Variants in TMEM163 observed in about 807,000 individuals in gnomAD.
TMEM163 encodes the protein transmembrane protein 163.
In TMEM163, 17 loss-of-function variants were observed where a neutral mutation model predicts 29.3. The ratio of observed to expected loss-of-function variants is 0.58; its 90% CI spans 0.40 to 0.87. The LOEUF (loss-of-function observed/expected upper bound fraction) is 0.87. TMEM163 is among the 40% of genes least tolerant of loss of function. The probability of loss-of-function intolerance (pLI) is 0.00; values close to 1 mark genes in which losing one functional copy is unlikely to be tolerated. For synonymous variants in TMEM163, 157 were observed against 160.6 expected (o/e 0.98, Z 0.17); for missense variants, 303 against 381.5 (o/e 0.79, Z 1.71).
chr2:134,518,028 T>TGC (rs1680113301), intron 4 of TMEM163, among the ~76,000 whole-genome samples: 1 of 152,178 alleles, frequency 6.6e-6, no homozygotes, highest in Non-Finnish European at 1.5e-5. Flanking sequence ...ACTCTACTAT[T>TGC]TTGAAAGGCT....
In TMEM163 at chr2:134,458,139, G is replaced by A. The variant is rs1686443932; in HGVS notation, c.702C>T (p.Phe234=). The part of the protein sequence containing the change: ...FNSLVGGVMG[F]SILLSAEVFK... The stretch of plus-strand genomic sequence containing the variant: ...ACACTTCCGCGCTCAGAAGAATGGA[G>A]AAGCCCATCACGCCACCCACGAGGG... The change falls in exon 7 of 8, where the codon TTC becomes TTT. Residue 234 remains phenylalanine (F), a synonymous_variant. Transcript: ENST00000281924. The A allele has an allele frequency of 1.9e-6, 3 of 1,614,150 alleles. No individual in the cohort carries two copies. Among genetic ancestry groups the A allele is most frequent in the Non-Finnish European group, 2.5e-6 (3 of 1,180,026 alleles).
intron 1 of TMEM163, among the ~76,000 whole-genome samples, chr2:134,718,306 G>A (rs1324021935): frequency 1.3e-5 from 2 of 152,206 alleles, no homozygotes; most frequent in Admixed American, 6.5e-5. Context: ...GTTCTCCCAG[G>A]CAGCCGGCGG....
At chr2:134,685,166 TAAAGATC>T (rs1684327475) in intron 2 of TMEM163, among the ~76,000 whole-genome samples, 1 of 152,200 alleles carries the variant, frequency 6.6e-6, no homozygotes, top group Non-Finnish European at 1.5e-5. Flanking sequence ...TATTAACGTT[TAAAGATC>T]CTGGCTGAGT....
intron 2 of TMEM163, among the ~76,000 whole-genome samples, chr2:134,606,832 G>C (rs1373362240): frequency 6.6e-6 from 1 of 152,238 alleles, no homozygotes; most frequent in Non-Finnish European, 1.5e-5. Flanking sequence ...CTCTGGATTT[G>C]GTAAACTTTC....
intron 2 of TMEM163, among the ~76,000 whole-genome samples, chr2:134,582,358 C>T (rs1478707735): frequency 2.0e-5 from 3 of 152,168 alleles, no homozygotes; most frequent in South Asian, 2.1e-4. Context: ...AGCTGCCATG[C>T]GGGGGCCGCT....
chr2:134,592,522 T>C (rs560676518), intron 2 of TMEM163, among the ~76,000 whole-genome samples: 1 of 152,220 alleles, frequency 6.6e-6, no homozygotes, highest in African/African-American at 2.4e-5. Flanking sequence ...GTTTTGTCAG[T>C]GTTAGGATCT....
At chr2:134,516,744 T>TATATTC (rs1680075722) in intron 4 of TMEM163, among the ~76,000 whole-genome samples, 2 of 136,116 alleles carry the variant, frequency 1.5e-5, no homozygotes, top group Middle Eastern at 4.1e-3. Context: ...TATATATGCA[T>TATATTC]ATATATATGA....
intron 5 of TMEM163, among the ~76,000 whole-genome samples, chr2:134,500,199 C>T (rs1679668289): frequency 6.6e-6 from 1 of 152,200 alleles, no homozygotes. Flanking sequence ...TGGCTTCTAC[C>T]AGCATTTGAG....
intron 3 of TMEM163, 150 bp downstream of exon 3, chr2:134,551,898 A>AT (rs1680937408): frequency 9.5e-6 from 6 of 629,930 alleles, no homozygotes; most frequent in Middle Eastern, 2.8e-4. Flanking sequence ...TTAAATTTTC[A>AT]TTTTTTAATA....
intron 6 of TMEM163, chr2:134,458,860 C>T (rs1686460857): frequency 6.6e-6 from 1 of 152,094 alleles, no homozygotes; most frequent in Non-Finnish European, 1.5e-5. Flanking sequence ...GTATTGGCTA[C>T]ATGGTTGGAG....
chr2:134,642,303 A>C (rs1387539799), intron 2 of TMEM163, among the ~76,000 whole-genome samples: 1 of 151,964 alleles, frequency 6.6e-6, no homozygotes, highest in Non-Finnish European at 1.5e-5. Context: ...AAATTTTTGT[A>C]TTTTTTAGTA....
intron 2 of TMEM163, among the ~76,000 whole-genome samples, chr2:134,636,789 T>C (rs1683114709): frequency 6.6e-6 from 1 of 152,222 alleles, no homozygotes; most frequent in Admixed American, 6.5e-5. Context: ...CTAAGATCAG[T>C]GCTTGATATA....
At chr2:134,484,582 C>G (rs1679271490) in intron 5 of TMEM163, among the ~76,000 whole-genome samples, 1 of 152,156 alleles carries the variant, frequency 6.6e-6, no homozygotes, top group South Asian at 2.1e-4. Context: ...GCTGAGGCCC[C>G]TGTGTGTGTA....
chr2:134,473,977 G>GA (rs1032060194), intron 5 of TMEM163, among the ~76,000 whole-genome samples: 11 of 150,306 alleles, frequency 7.3e-5, no homozygotes, highest in East Asian at 1.9e-4. Flanking sequence ...ATCTCTTTCA[G>GA]AAAAAAAAAG....
chr2:134,601,771 T>C (rs1382373590), intron 2 of TMEM163, among the ~76,000 whole-genome samples: 1 of 151,828 alleles, frequency 6.6e-6, no homozygotes, highest in South Asian at 2.1e-4. Context: ...ACAATACGCA[T>C]AATAAATAAA....
chr2:134,701,916 C>CAAAAAAA (rs71301801), intron 2 of TMEM163, among the ~76,000 whole-genome samples: 1 of 66,542 alleles, frequency 1.5e-5, no homozygotes, highest in Non-Finnish European at 3.4e-5. Context: ...AAAACTGTCT[C>CAAAAAAA]AAAAAAAAAA....
chr2:134,462,976 G>C (rs530502949), intron 6 of TMEM163, among the ~76,000 whole-genome samples: 41 of 152,342 alleles, frequency 2.7e-4, no homozygotes, highest in African/African-American at 9.6e-4. Context: ...ACAGATCTGC[G>C]AGCCAGAGGG....
At chr2:134,659,479 C>T (rs1683700585) in intron 2 of TMEM163, among the ~76,000 whole-genome samples, 2 of 152,142 alleles carry the variant, frequency 1.3e-5, no homozygotes, top group Admixed American at 6.5e-5. Flanking sequence ...TGCCCAGGTC[C>T]CCTCATGAGC....
At chr2:134,628,273 T>A (rs1682894946) in intron 2 of TMEM163, among the ~76,000 whole-genome samples, 1 of 152,260 alleles carries the variant, frequency 6.6e-6, no homozygotes, top group South Asian at 2.1e-4. Flanking sequence ...AACTCCTACA[T>A]GCCTATCTGT....
Sources: gnomAD v4.1 joint callset for allele counts (sites outside exome capture counted in the v4.1 genomes callset) on GRCh38, gnomAD v4.1.1 for gene constraint, MANE v1.5 for transcripts, NCBI Gene and HGNC (gene_info 2026-07-23, HGNC 2026-07-21) for gene names.